Variants in CYP46A1 observed in about 807,000 individuals in gnomAD.
CYP46A1 encodes the protein cholesterol 24-hydroxylase.
CYP46A1 carries 20 observed loss-of-function variants against 63.3 expected under a neutral mutation model. The observed-to-expected ratio is 0.32, with a 90% confidence interval of 0.22 to 0.46. The LOEUF is 0.46. CYP46A1 is among the 20% of genes least tolerant of loss of function. The probability of loss-of-function intolerance (pLI) is 1.00; values close to 1 mark genes in which losing one functional copy is unlikely to be tolerated. For synonymous variants in CYP46A1, 268 were observed against 273.6 expected, an observed-to-expected ratio of 0.98 and a Z score of 0.20; for missense variants, 445 against 670.8, an observed-to-expected ratio of 0.66 and a Z score of 3.72.
At chr14:99,713,091 T>A (rs2056749597) in intron 7 of CYP46A1, 1 of 152,126 alleles carries the variant, frequency 6.6e-6, no homozygotes, top group South Asian at 2.1e-4. Flanking sequence ...TGCAGAAGAA[T>A]TAAACCATAC....
chr14:99,718,421 A>T (rs748856535), intron 10 of CYP46A1, among the ~76,000 whole-genome samples: 5 of 152,054 alleles, frequency 3.3e-5, no homozygotes, highest in Admixed American at 1.3e-4. Context: ...GGATTGTTTC[A>T]TGTCTATTTC....
At chr14:99,698,570 G>A (rs2056604896) in intron 3 of CYP46A1, among the ~76,000 whole-genome samples, 3 of 152,100 alleles carry the variant, frequency 2.0e-5, no homozygotes, top group African/African-American at 4.8e-5. Context: ...GCTATGTGCC[G>A]GGCACCATTC....
At chr14:99,693,954 A>G (rs2056564476) in intron 3 of CYP46A1, among the ~76,000 whole-genome samples, 1 of 152,104 alleles carries the variant, frequency 6.6e-6, no homozygotes, top group South Asian at 2.1e-4. Context: ...CCCTAACTGA[A>G]ACTGTGTATC....
intron 5 of CYP46A1, among the ~76,000 whole-genome samples, chr14:99,704,671 C>A (rs1052388591): frequency 6.6e-6 from 1 of 152,168 alleles, no homozygotes; most frequent in South Asian, 2.1e-4. Context: ...TCTGGATAAT[C>A]AACTTAAATG....
intron 7 of CYP46A1, among the ~76,000 whole-genome samples, chr14:99,713,885 A>G (rs2056762246): frequency 6.6e-6 from 1 of 151,444 alleles, no homozygotes; most frequent in South Asian, 2.1e-4. Context: ...AAAAAAAAAA[A>G]AAAAAGACGT....
At chr14:99,704,981 A>G (rs528200500) in intron 5 of CYP46A1, among the ~76,000 whole-genome samples, 58 of 152,350 alleles carry the variant, frequency 3.8e-4, no homozygotes, top group Non-Finnish European at 5.9e-4. Context: ...CCCCTGGAAC[A>G]GGAAGGCAAT....
chr14:99,697,291 T>C (rs1251688573), intron 3 of CYP46A1, among the ~76,000 whole-genome samples: 1 of 151,312 alleles, frequency 6.6e-6, no homozygotes, highest in East Asian at 1.9e-4. Context: ...AGCTTCTCCC[T>C]GGTACTTTGT....
rs1464191809 is a variant in CYP46A1, at chr14:99,726,678, C to A, written c.1454C>A (p.Thr485Asn). The A allele has an allele frequency of 6.4e-7, 1 of 1,551,370 alleles. No individual in the cohort carries two copies. Reference sequence around the variant, plus strand: ...AAGCCACTGGACCCCGTGCTGTGCACCCTGCGGCCCCGCGGCTGGCAGCCC... The same window carrying A: ...AAGCCACTGGACCCCGTGCTGTGCAACCTGCGGCCCCGCGGCTGGCAGCCC... ...TLKPLDPVLC[T>N]LRPRGWQPAP... Residue 485 changes from threonine to asparagine, a missense_variant, in exon 15 of 15, where the codon ACC becomes AAC. By Grantham distance (65) the Thr-to-Asn change is moderately conservative. Around this residue, in one of 4 missense-constraint regions of CYP46A1, gnomAD observed 85 missense variants for 80.1 expected, o/e 1.06. Coordinates refer to ENST00000261835, the MANE Select transcript of CYP46A1 (RefSeq NM_006668.2).
chr14:99,723,462 C>G (rs535876911), intron 12 of CYP46A1, among the ~76,000 whole-genome samples: 182 of 152,262 alleles, frequency 1.2e-3, no homozygotes, highest in African/African-American at 4.3e-3. Flanking sequence ...GTGCACACCC[C>G]CACGCCTGGC....
chr14:99,722,086 G>T lies in CYP46A1; in HGVS notation c.1176+20G>T. 6.3e-7 allele frequency: 1 copy of T among 1,588,082 alleles called. No homozygotes were observed. On this transcript the variant is annotated intron_variant, in intron 12 of 14. Coordinates refer to ENST00000261835, the MANE Select transcript of CYP46A1 (RefSeq NM_006668.2). This position sits in a 1 kb window ranked among gnomAD's most constrained non-coding sequence, Gnocchi z 4.6. The stretch of plus-strand genomic sequence containing the variant: ...CTCTTGGTGGGTGGAGGCCCTGGGG[G>T]TCCTGGGGTGGGCTGGGCTGCTTGC...
chr14:99,721,904 A>G, intron 11 of CYP46A1, 52 bp from the exon 12 acceptor site: 1 of 1,478,738 alleles, frequency 6.8e-7, no homozygotes. Context: ...GGCCGGCATG[A>G]TCTGTGGCCT....
At chr14:99,686,235 T>A (rs930210430) in intron 1 of CYP46A1, among the ~76,000 whole-genome samples, 6 of 152,164 alleles carry the variant, frequency 3.9e-5, no homozygotes, top group African/African-American at 1.4e-4. Context: ...ATTGAATGAG[T>A]TTGGTGCTTG....
At chr14:99,721,131 C>A in intron 10 of CYP46A1, 108 bp from the exon 11 acceptor site, 1 of 753,776 alleles carries the variant, frequency 1.3e-6, no homozygotes, top group Non-Finnish European at 2.4e-6. Context: ...GAGTGGGGAG[C>A]CCCATGCGTC....
At position 99,722,191 on chromosome 14, in the gene CYP46A1, C is replaced by G; in HGVS notation, c.1176+125C>G. On this transcript the variant is annotated intron_variant, in intron 12 of 14. Transcript: ENST00000261835. This position sits in a 1 kb window ranked among gnomAD's most constrained non-coding sequence, Gnocchi z 4.6. ...CATTGCAACGGGCCTCACTGGCTGC[C>G]CTGGTCTTTCTCATGGAGTCTCACC... 1.6e-6 allele frequency: 1 copy of G among 640,332 alleles called. No homozygotes were observed. 39.7% of individuals were successfully genotyped at this position (640,332 alleles called of 1,614,324 possible).
intron 10 of CYP46A1, among the ~76,000 whole-genome samples, chr14:99,718,487 C>A (rs1197673793): frequency 6.6e-6 from 1 of 152,228 alleles, no homozygotes; most frequent in Non-Finnish European, 1.5e-5. Flanking sequence ...TCCCTCCCCA[C>A]AGCGTACCCA....
intron 9 of CYP46A1, among the ~76,000 whole-genome samples, chr14:99,716,867 T>C (rs1376887541): frequency 6.6e-6 from 1 of 152,180 alleles, no homozygotes; most frequent in African/African-American, 2.4e-5. Flanking sequence ...TGATTGACAC[T>C]GGGCACTGGG....
Position 99,691,807 on chromosome 14 carries a change from G to C in CYP46A1, c.228G>C (p.Arg76=). Residue 76 remains arginine (R), a synonymous_variant, in exon 3 of 15, where the codon CGG becomes CGC. Transcript: ENST00000261835. Reference sequence around the variant, plus strand: ...CTAAGAAGTATGGACCTGTTGTGCGGGTCAACGTCTTCCACAAAACCTCAG... The same window carrying C: ...CTAAGAAGTATGGACCTGTTGTGCGCGTCAACGTCTTCCACAAAACCTCAG... The part of the protein sequence containing the change: ...DWAKKYGPVV[R]VNVFHKTSVI... The C allele has an allele frequency of 6.2e-7, 1 of 1,614,172 alleles. No individual in the cohort carries two copies. Among genetic ancestry groups the C allele is most frequent in the Non-Finnish European group, 8.5e-7 (1 of 1,180,026 alleles).
chr14:99,699,263 G>A (rs891763871), intron 3 of CYP46A1, among the ~76,000 whole-genome samples: 10 of 152,040 alleles, frequency 6.6e-5, no homozygotes, highest in Admixed American at 5.9e-4. Flanking sequence ...AAATCACTTC[G>A]CCCCTCTGTG....
chr14:99,685,098 A>T (rs28406736), intron 1 of CYP46A1, among the ~76,000 whole-genome samples: 4 of 5,384 alleles, frequency 7.4e-4, no homozygotes, highest in Non-Finnish European at 1.0e-3. Context: ...ACCCCCCCCC[A>T]CCCCCAGCTT....
Sources: allele counts gnomAD v4.1 joint callset (sites outside exome capture counted in the v4.1 genomes callset), GRCh38; gene constraint gnomAD v4.1.1; regional missense constraint gnomAD v4.1.1; non-coding constraint Gnocchi (gnomAD v3.1); transcripts MANE v1.5; gene names NCBI Gene and HGNC (gene_info 2026-07-23, HGNC 2026-07-21).